Variants in SDK2 observed in about 807,000 individuals in gnomAD.
The protein encoded by SDK2 is sidekick cell adhesion molecule 2.
A neutral mutation model predicts 253.9 loss-of-function variants in SDK2; 105 were observed. That is an observed-to-expected ratio of 0.41 (90% CI 0.35 to 0.49). The LOEUF is 0.49. Among genes scored for constraint, SDK2 ranks in the 20% least tolerant of loss-of-function variants. The pLI is 0.06. For missense variants in SDK2, 2,608 were observed against 3,003.0 expected (o/e 0.87, Z 3.07); for synonymous variants, 1,249 against 1,234.9 (o/e 1.01, Z -0.24).
chr17:73,389,184 T>C (rs2078740807), intron 29 of SDK2, among the ~76,000 whole-genome samples: 1 of 45,020 alleles, frequency 2.2e-5, no homozygotes, highest in Admixed American at 1.9e-4. Context: ...TATTCCTTTC[T>C]TTTTTTTTTT....
At chr17:73,438,700 G>C (rs1178336106) in intron 6 of SDK2, among the ~76,000 whole-genome samples, 2 of 152,158 alleles carry the variant, frequency 1.3e-5, no homozygotes, top group South Asian at 4.1e-4. Context: ...AAGGGTGTGA[G>C]TCTGGCCTGG....
chr17:73,342,527 C>T (rs772845867), intron 44 of SDK2, among the ~76,000 whole-genome samples: 2 of 152,158 alleles, frequency 1.3e-5, no homozygotes, highest in East Asian at 1.9e-4. Flanking sequence ...TCTGTGAATG[C>T]GGGGGACCAG....
At chr17:73,381,580 C>T (rs748052366) in intron 33 of SDK2, among the ~76,000 whole-genome samples, 22 of 152,092 alleles carry the variant, frequency 1.4e-4, no homozygotes, top group South Asian at 4.1e-4. Flanking sequence ...AGGGAGGAAA[C>T]GTGAAAATGA....
chr17:73,421,573 C>T (rs1422624769), intron 15 of SDK2, among the ~76,000 whole-genome samples: 18 of 90,776 alleles, frequency 2.0e-4, no homozygotes, highest in African/African-American at 5.9e-4. Context: ...CAATTTCCAT[C>T]TTTTTTTTTT....
chr17:73,397,978 A>C (rs1443275287), intron 24 of SDK2, 57 bp downstream of exon 24: 7 of 1,575,398 alleles, frequency 4.4e-6, no homozygotes, highest in Non-Finnish European at 5.2e-6. Context: ...ACCTTCTAGG[A>C]GGCAATGACC....
rs2062966896 is a variant in SDK2 at position 73,395,841 on chromosome 17, G to A, written c.3355-449C>T. ...AGCATGGGCAGAGAGCAGGATGAGT[G>A]GGGCACCTGCCAGTCAGGAAGTCCT... On this transcript the variant is annotated intron_variant, in intron 24 of 44. Transcript: ENST00000392650. This position sits in a 1 kb window ranked among gnomAD's most constrained non-coding sequence, Gnocchi z 4.3. 6.6e-6 allele frequency among the ~76,000 whole-genome samples: 1 copy of A among 152,180 alleles called. No homozygotes were observed. Among genetic ancestry groups the A allele is most frequent in the African/African-American group, 2.4e-5 (1 of 41,442 alleles).
intron 29 of SDK2, among the ~76,000 whole-genome samples, chr17:73,389,855 T>C (rs974263192): frequency 6.6e-6 from 1 of 152,218 alleles, no homozygotes; most frequent in Non-Finnish European, 1.5e-5. Context: ...GTTCAAGTGA[T>C]TCTCGTGTCT....
intron 1 of SDK2, among the ~76,000 whole-genome samples, chr17:73,565,688 T>A (rs748327587): frequency 5.3e-5 from 8 of 152,254 alleles, no homozygotes; most frequent in Non-Finnish European, 1.2e-4. Context: ...GGAAATGCGA[T>A]CTCCAGTGTT....
intron 1 of SDK2, among the ~76,000 whole-genome samples, chr17:73,533,964 G>A (rs1177082771): frequency 2.6e-5 from 4 of 151,988 alleles, no homozygotes; most frequent in Non-Finnish European, 5.9e-5. Flanking sequence ...AACACAATGC[G>A]GCAGCAGGAA....
rs34494368 is a variant in SDK2, at chr17:73,456,069, C to T, written c.332-16G>A. On this transcript the variant is annotated splice_polypyrimidine_tract_variant and intron_variant, in intron 3 of 44. Coordinates refer to ENST00000392650, the MANE Select transcript of SDK2 (RefSeq NM_001144952.2). ...CTCCCCATGTCTGCAGCCGGGACAA[C>T]GGCAGTAGGATCAGGGGCGGGAGGT... 0.19 allele frequency: 284,951 copies of T among 1,466,230 alleles called. 28,828 individuals are homozygous for T. The highest frequency in any genetic ancestry group is 0.22 in the African/African-American group (15,539 of 70,044). The allele number at this position is 1,466,230 out of a possible 1,614,324, so 90.8% of individuals were successfully genotyped here. A position where few individuals can be genotyped will look rare whatever the true frequency, so the allele number is the denominator to read the frequency against.
chr17:73,486,957 G>A (rs1489896938), intron 2 of SDK2, among the ~76,000 whole-genome samples: 1 of 152,064 alleles, frequency 6.6e-6, no homozygotes, highest in Non-Finnish European at 1.5e-5. Flanking sequence ...TTTTTGAGAT[G>A]GACTCTCACT....
At chr17:73,502,423 G>C (rs1263528336) in intron 2 of SDK2, among the ~76,000 whole-genome samples, 1 of 116,766 alleles carries the variant, frequency 8.6e-6, no homozygotes, top group African/African-American at 3.3e-5. Flanking sequence ...TATTTAAAAG[G>C]TGAACCTGGA....
intron 1 of SDK2, among the ~76,000 whole-genome samples, chr17:73,601,023 T>A (rs979568028): frequency 7.0e-4 from 96 of 137,116 alleles, no homozygotes; most frequent in African/African-American, 1.4e-3. Context: ...TAAAAAAAAA[T>A]TTTTTTTTTT....
intron 3 of SDK2, among the ~76,000 whole-genome samples, chr17:73,458,959 G>A (rs532837795): frequency 2.0e-5 from 3 of 152,258 alleles, no homozygotes; most frequent in African/African-American, 7.2e-5. Context: ...AGCCGAGATG[G>A]GGTCGTTGTA....
chr17:73,544,772 GA>G (rs2044929202), intron 1 of SDK2, among the ~76,000 whole-genome samples: 1 of 152,150 alleles, frequency 6.6e-6, no homozygotes, highest in Admixed American at 6.5e-5. Context: ...TGGCTTCCAT[GA>G]CACTTTTGAG....
chr17:73,384,786 A>G (rs1451021883), intron 32 of SDK2, among the ~76,000 whole-genome samples: 1 of 152,258 alleles, frequency 6.6e-6, no homozygotes, highest in African/African-American at 2.4e-5. Context: ...ACTGTACTCC[A>G]GCCTGGGCAA....
chr17:73,449,591 C>A (rs188660781), intron 4 of SDK2, among the ~76,000 whole-genome samples: 1,448 of 142,578 alleles, frequency 0.01, 11 homozygotes, highest in Non-Finnish European at 0.015. Flanking sequence ...CCTAATGATG[C>A]CCCCCCACCT....
intron 1 of SDK2, among the ~76,000 whole-genome samples, chr17:73,544,263 G>A (rs888066600): frequency 1.3e-5 from 2 of 152,160 alleles, no homozygotes; most frequent in Non-Finnish European, 2.9e-5. Context: ...CTTCCTTCAG[G>A]AAACCTTCCT....
chr17:73,432,825 CGTGTGCATGTATGT>C (rs1456556493), intron 10 of SDK2, among the ~76,000 whole-genome samples: 5 of 151,764 alleles, frequency 3.3e-5, no homozygotes, highest in South Asian at 2.1e-4. Context: ...TGTGTATGTA[CGTGTGCATGTATGT>C]GTGTGCATGT....
Sources: allele counts gnomAD v4.1 joint callset (sites outside exome capture counted in the v4.1 genomes callset), GRCh38; gene constraint gnomAD v4.1.1; non-coding constraint Gnocchi (gnomAD v3.1); transcripts MANE v1.5; gene names NCBI Gene and HGNC (gene_info 2026-07-23, HGNC 2026-07-21).